The following VPS13A variants were observed in gnomAD, a reference collection of about 807,000 sequenced individuals.
VPS13A encodes the protein vacuolar protein sorting 13 homolog A.
VPS13A carries 264 observed loss-of-function variants against 390.9 expected under a neutral mutation model. The observed-to-expected ratio is 0.68, with a 90% CI of 0.61 to 0.75. VPS13A has a LOEUF of 0.75. VPS13A is among the 30% of genes least tolerant of loss of function. VPS13A has a pLI of 0.00. For synonymous variants in VPS13A, 1,231 were observed against 1,227.1 expected (o/e 1.00, Z -0.07); for missense variants, 3,409 against 3,733.9 (o/e 0.91, Z 2.27).
intron 1 of VPS13A, among the ~76,000 whole-genome samples, chr9:77,193,128 C>T (rs1824781752): frequency 6.6e-6 from 1 of 151,706 alleles, no homozygotes; most frequent in Admixed American, 6.6e-5. Flanking sequence ...TTAATCTGTT[C>T]TGCTGTTAAT....
At chr9:77,370,991 G>T (rs1447545870) in intron 66 of VPS13A, 35 bp from the exon 67 acceptor site, 1 of 1,614,044 alleles carries the variant, frequency 6.2e-7, no homozygotes, top group Admixed American at 1.7e-5. Flanking sequence ...TTTCATTCTT[G>T]GATGCAATTG....
intron 68 of VPS13A, among the ~76,000 whole-genome samples, chr9:77,397,572 A>G (rs1834170466): frequency 6.6e-6 from 1 of 151,510 alleles, no homozygotes; most frequent in Admixed American, 6.6e-5. Flanking sequence ...TTGTTAAGGG[A>G]TTCTGTTTCT....
In VPS13A at chr9:77,339,726, G is replaced by A. The variant is rs372076848; in HGVS notation, c.6589G>A (p.Ala2197Thr). Reference protein sequence around the residue: ...TEMEKTDLDIAVHMTYNTGQT... With the variant: ...TEMEKTDLDITVHMTYNTGQT... ...AATGGAAAAGACTGATTTAGATATT[G>A]CTGTCCATATGACTTACAATACTGG... is the stretch of plus-strand genomic sequence containing the variant. Residue 2197 changes from alanine (A) to threonine (T), a missense_variant, in exon 48 of 72, where the codon GCT (alanine) becomes ACT (threonine). By Grantham distance (58) the Ala-to-Thr change is moderately conservative. This residue lies in a region of VPS13A where 2,717 missense variants were observed against 2,917.4 expected (regional missense o/e 0.93). Coordinates refer to ENST00000360280, the MANE Select transcript of VPS13A (RefSeq NM_033305.3). The A allele has an allele frequency of 1.2e-6, 2 of 1,613,868 alleles. No individual in the cohort carries two copies. The highest frequency in any genetic ancestry group is 2.7e-5 in the African/African-American group (2 of 74,904).
At chr9:77,414,490 C>CA (rs930975614) in intron 71 of VPS13A, among the ~76,000 whole-genome samples, 156 of 150,064 alleles carry the variant, frequency 1.0e-3, no homozygotes, top group African/African-American at 3.8e-3. Context: ...ATCACAAGGA[C>CA]AAAAAACCAA....
intron 33 of VPS13A, among the ~76,000 whole-genome samples, chr9:77,301,180 A>G (rs1828329039): frequency 6.6e-6 from 1 of 152,220 alleles, no homozygotes; most frequent in Non-Finnish European, 1.5e-5. Context: ...ACTCAAAGAT[A>G]TATAGATGAA....
intron 45 of VPS13A, among the ~76,000 whole-genome samples, chr9:77,329,655 G>T (rs1830182992): frequency 2.0e-5 from 3 of 152,218 alleles, no homozygotes; most frequent in African/African-American, 7.2e-5. Flanking sequence ...GAGGCACTTA[G>T]TGAGCACATG....
rs1205853398 is a variant in VPS13A, at chr9:77,310,842, C to T, written c.4114+2744C>T. 2.6e-5 allele frequency among the ~76,000 whole-genome samples: 4 copies of T among 152,022 alleles called. No individual in the cohort carries two copies. In the East Asian group the frequency reaches 5.8e-4, roughly 22 times the overall value. The stretch of plus-strand genomic sequence containing the variant: ...AGATGTTTGAATATGTCATTTTAAT[C>T]GTTTTCTTCTGGAAATTTTTACACA... On this transcript the variant is annotated intron_variant, in intron 35 of 71. Transcript: ENST00000360280.
At chr9:77,278,402 T>C (rs577030346) in intron 26 of VPS13A, among the ~76,000 whole-genome samples, 139 of 152,260 alleles carry the variant, frequency 9.1e-4, no homozygotes, top group African/African-American at 3.1e-3. Flanking sequence ...TTTATTCTTA[T>C]GTTTGCTTTG....
At chr9:77,346,199 TATG>T (rs1459335096) in intron 52 of VPS13A, among the ~76,000 whole-genome samples, 3 of 152,020 alleles carry the variant, frequency 2.0e-5, no homozygotes, top group Non-Finnish European at 4.4e-5. Flanking sequence ...TAATTTAAAT[TATG>T]ATCATTTTTG....
At chr9:77,287,916 T>A (rs1174287716) in intron 31 of VPS13A, among the ~76,000 whole-genome samples, 1 of 152,232 alleles carries the variant, frequency 6.6e-6, no homozygotes, top group Non-Finnish European at 1.5e-5. Context: ...ATAGTAAAAC[T>A]TACCTCTTTT....
Position 77,283,478 on chromosome 9 carries a change from A to C in VPS13A, c.3235+7A>C. On this transcript the variant is annotated splice_region_variant and intron_variant, in intron 30 of 71. Coordinates refer to ENST00000360280, the MANE Select transcript of VPS13A (RefSeq NM_033305.3). ...TCTGAAATTAAGATTGAAGGTAATA[A>C]AATTTCACAAAAAGCAAATTAAAAG... 6.2e-7 allele frequency: 1 copy of C among 1,603,068 alleles called. No homozygotes were observed. The highest frequency in any genetic ancestry group is 8.5e-7 in the Non-Finnish European group (1 of 1,170,362).
At chr9:77,370,736 C>T (rs1832703875) in intron 65 of VPS13A, 154 bp from the exon 66 acceptor site, 1 of 574,768 alleles carries the variant, frequency 1.7e-6, no homozygotes, top group South Asian at 8.6e-5. Context: ...TCAGTAGCCT[C>T]TAAAACATTC....
intron 26 of VPS13A, among the ~76,000 whole-genome samples, chr9:77,279,066 T>A (rs1481225140): frequency 6.6e-6 from 1 of 152,196 alleles, no homozygotes; most frequent in East Asian, 1.9e-4. Context: ...AACTTTGCCA[T>A]CTGCAGACAG....
Position 77,406,618 on chromosome 9 carries a change from G to C in VPS13A, c.9399+631G>C, listed in dbSNP as rs561413168. On this transcript the variant is annotated intron_variant, in intron 70 of 71. Transcript: ENST00000360280. ...TTTTAGTACAGACGGTGTTTCACCA[G>C]GTTGGCCAGTCTGGTCTTGAATTCC... Among the ~76,000 whole-genome samples, 5 of 151,954 alleles carry C rather than the reference G, an allele frequency of 3.3e-5. No individual in the cohort carries two copies. The East Asian group carries it at 5.8e-4, about 18-fold the overall frequency.
chr9:77,219,877 T>C, intron 10 of VPS13A, 77 bp from the exon 11 acceptor site: 1 of 1,488,616 alleles, frequency 6.7e-7, no homozygotes, highest in Non-Finnish European at 9.3e-7. Flanking sequence ...AAATCAGTGT[T>C]TTCAACTTCA....
chr9:77,192,279 C>A (rs1183032212), intron 1 of VPS13A, among the ~76,000 whole-genome samples: 2 of 152,140 alleles, frequency 1.3e-5, no homozygotes, highest in Non-Finnish European at 2.9e-5. Context: ...ACAATTGGTT[C>A]TTGGTTCTTC....
chr9:77,306,689 AT>A (rs1243933783), intron 34 of VPS13A, among the ~76,000 whole-genome samples: 4 of 152,130 alleles, frequency 2.6e-5, no homozygotes, highest in African/African-American at 9.7e-5. Flanking sequence ...GTCCACCTAC[AT>A]TATGGAGTGT....
At chr9:77,224,460 C>G (rs1823395249) in intron 13 of VPS13A, among the ~76,000 whole-genome samples, 1 of 152,128 alleles carries the variant, frequency 6.6e-6, no homozygotes, top group South Asian at 2.1e-4. Flanking sequence ...AAAATATGAA[C>G]ATTGACAGGT....
chr9:77,205,369 G>C lies in VPS13A; in HGVS notation c.244G>C (p.Val82Leu). Residue 82 changes from valine (V) to leucine (L), a missense_variant, in exon 4 of 72, where the codon GTA (valine) becomes CTA (leucine). By Grantham distance (32) the Val-to-Leu change is conservative. Coordinates refer to ENST00000360280, the MANE Select transcript of VPS13A (RefSeq NM_033305.3). ...KNLYTQPVEA[V>L]LEEIYLLIVP... Reference sequence around the variant, plus strand: ...CCTTTATACTCAACCTGTTGAAGCCGTATTGGAAGAAATTTATTTACTTAT... The same window carrying C: ...CCTTTATACTCAACCTGTTGAAGCCCTATTGGAAGAAATTTATTTACTTAT... 9 of 1,477,136 alleles carry C rather than the reference G, an allele frequency of 6.1e-6. No homozygotes were observed. Among genetic ancestry groups the C allele is most frequent in the Non-Finnish European group, 7.2e-6 (8 of 1,106,506 alleles). 91.5% of individuals were successfully genotyped at this position (1,477,136 alleles called of 1,614,324 possible). A position where few individuals can be genotyped will look rare whatever the true frequency, so the allele number is the denominator to read the frequency against.
Sources: allele counts gnomAD v4.1 joint callset (sites outside exome capture counted in the v4.1 genomes callset), GRCh38; gene constraint gnomAD v4.1.1; regional missense constraint gnomAD v4.1.1; transcripts MANE v1.5; gene names NCBI Gene and HGNC (gene_info 2026-07-23, HGNC 2026-07-21).